The following EFL1 variants were observed in gnomAD, a reference collection of about 807,000 sequenced individuals.
EFL1 encodes elongation factor like GTPase 1, also known as elongation factor-like GTPase 1.
Under a neutral mutation model 126.7 loss-of-function variants are expected in EFL1, and 76 were observed. The observed-to-expected ratio is 0.60, with a 90% CI of 0.50 to 0.73. The LOEUF (loss-of-function observed/expected upper bound fraction) is 0.73. Among genes scored for constraint, EFL1 ranks in the 30% least tolerant of loss-of-function variants. EFL1 has a pLI of 0.00. For synonymous variants in EFL1, 410 were observed against 448.4 expected (o/e 0.91, Z 1.08); for missense variants, 1,128 against 1,343.2 (o/e 0.84, Z 2.50).
chr15:82,164,039 T>C, intron 15 of EFL1, 55 bp from the exon 16 acceptor site: 1 of 1,595,072 alleles, frequency 6.3e-7, no homozygotes, highest in Non-Finnish European at 8.5e-7. Context: ...TCTGAATTTA[T>C]GTCAGAAAAA....
At chr15:82,132,926 A>G (rs1363260323) in intron 19 of EFL1, among the ~76,000 whole-genome samples, 2 of 152,114 alleles carry the variant, frequency 1.3e-5, no homozygotes, top group Non-Finnish European at 2.9e-5. Flanking sequence ...ATCATTCACC[A>G]GCAAACAATG....
At chr15:82,211,273 TCC>T (rs1167075093) in intron 15 of EFL1, among the ~76,000 whole-genome samples, 1 of 151,556 alleles carries the variant, frequency 6.6e-6, no homozygotes, top group African/African-American at 2.4e-5. Context: ...ATGTCTGTAA[TCC>T]CAGCACGTTG....
intron 15 of EFL1, among the ~76,000 whole-genome samples, chr15:82,194,657 G>C (rs370931968): frequency 1.3e-5 from 2 of 152,162 alleles, no homozygotes; most frequent in African/African-American, 4.8e-5. Context: ...GATTTTAAAC[G>C]GTGAAAGGCG....
chr15:82,143,125 T>C (rs1374539206), intron 18 of EFL1, among the ~76,000 whole-genome samples: 1 of 152,226 alleles, frequency 6.6e-6, no homozygotes, highest in Non-Finnish European at 1.5e-5. Context: ...CAGCAATGTT[T>C]TCTTTAACAG....
chr15:82,222,169 G>A (rs1296941367), intron 12 of EFL1, among the ~76,000 whole-genome samples: 3 of 152,194 alleles, frequency 2.0e-5, no homozygotes, highest in African/African-American at 7.2e-5. Context: ...ATGATCCAGA[G>A]ACTGTTAATC....
rs137947667 is a variant in EFL1 at position 82,216,327 on chromosome 15, T to C, written c.1612-1472A>G. Among the ~76,000 whole-genome samples the C allele has an allele frequency of 5.0e-3, 759 of 152,280 alleles. 4 individuals are homozygous for C. The highest frequency in any genetic ancestry group is 7.4e-3 in the Non-Finnish European group (505 of 67,994). ...GCCAAATAGGTGTATGGACATAAAG[T>C]AATTCCAATCGAAGCCTCAACAGGG... On this transcript the variant is annotated intron_variant, in intron 14 of 19. Transcript: ENST00000268206.
At chr15:82,243,587 G>A (rs376294817) in intron 4 of EFL1, among the ~76,000 whole-genome samples, 32,431 of 73,932 alleles carry the variant, frequency 0.44, 7,728 homozygotes, top group African/African-American at 0.5. Context: ...ATACGACCGG[G>A]ACCTGATACT....
chr15:82,141,408 G>A (rs1483979391), intron 18 of EFL1, among the ~76,000 whole-genome samples: 1 of 152,088 alleles, frequency 6.6e-6, no homozygotes, highest in Non-Finnish European at 1.5e-5. Context: ...GGTGGCTCAC[G>A]CCTATAATCC....
At position 82,152,205 on chromosome 15, in the gene EFL1, G is replaced by T. The variant is rs200932900; in HGVS notation, c.2249C>A (p.Thr750Lys). The part of the protein sequence containing the change: ...ITITTPNKLA[T>K]LSVRAMPLPE... ...AAGGGGCATGGCTCGAACACTGAGC[G>T]TGGCAAGTTTATTGGGAGTTGTTAT... The change falls in exon 18 of 20, where the codon ACG becomes AAG. Residue 750 changes from threonine to lysine, a missense_variant. Physicochemically the swap from Thr to Lys is moderately conservative, Grantham distance 78. Coordinates refer to ENST00000268206, the MANE Select transcript of EFL1 (RefSeq NM_024580.6). The T allele has an allele frequency of 2.5e-5, 41 of 1,614,056 alleles. No individual in the cohort carries two copies. The highest frequency in any genetic ancestry group is 3.1e-5 in the Non-Finnish European group (37 of 1,180,038).
intron 18 of EFL1, among the ~76,000 whole-genome samples, chr15:82,147,599 G>A (rs994629601): frequency 7.1e-6 from 1 of 140,674 alleles, no homozygotes; most frequent in Non-Finnish European, 1.5e-5. Context: ...CTGAGATTGT[G>A]CCACTGCAGT....
chr15:82,228,263 G>A lies in EFL1; in HGVS notation c.997C>T (p.Arg333Ter), dbSNP rs200284482. 5.6e-6 allele frequency: 9 copies of A among 1,614,018 alleles called. No homozygotes were observed. The highest frequency in any genetic ancestry group is 2.7e-5 in the African/African-American group (2 of 75,012). ...LGLKIGAREARHSDPKVQINA... is the reference protein window; with the variant it reads ...LGLKIGAREA ...ATCTGAACTTTAGGGTCTGAATGTCGTGCCTCCCGGGCTCCAATTTTTAAT... is the reference window on the plus strand; with the variant it reads ...ATCTGAACTTTAGGGTCTGAATGTCATGCCTCCCGGGCTCCAATTTTTAAT... Residue 333 changes from arginine (R) to a stop codon, truncating the protein, a stop_gained, in exon 10 of 20, where the codon CGA becomes TGA. Coordinates refer to ENST00000268206, the MANE Select transcript of EFL1 (RefSeq NM_024580.6). LOFTEE classifies it high-confidence loss of function.
At chr15:82,252,026 A>G (rs1391028847) in intron 4 of EFL1, among the ~76,000 whole-genome samples, 1 of 152,188 alleles carries the variant, frequency 6.6e-6, no homozygotes, top group African/African-American at 2.4e-5. Flanking sequence ...CATATCTTAC[A>G]AAAATACTCT....
At chr15:82,234,208 G>C (rs2074850087) in intron 7 of EFL1, among the ~76,000 whole-genome samples, 1 of 152,156 alleles carries the variant, frequency 6.6e-6, no homozygotes, top group African/African-American at 2.4e-5. Flanking sequence ...GTAAGAAAGG[G>C]ACAAGCCTCC....
At chr15:82,220,535 G>A (rs961265259) in intron 12 of EFL1, among the ~76,000 whole-genome samples, 1 of 152,200 alleles carries the variant, frequency 6.6e-6, no homozygotes, top group Non-Finnish European at 1.5e-5. Context: ...CAAAGAACAG[G>A]AAGAAGGAAG....
At chr15:82,252,662 G>C in intron 4 of EFL1, 29 bp downstream of exon 4, 1 of 1,554,636 alleles carries the variant, frequency 6.4e-7, no homozygotes, top group East Asian at 2.2e-5. Flanking sequence ...ATGCAAAGCT[G>C]TGTTTCGTTA....
At chr15:82,255,747 T>C (rs1457341901) in intron 3 of EFL1, among the ~76,000 whole-genome samples, 1 of 152,190 alleles carries the variant, frequency 6.6e-6, no homozygotes, top group Non-Finnish European at 1.5e-5. Context: ...TTCATCTTTT[T>C]CCCACAGATC....
At chr15:82,178,819 G>A (rs1247582063) in intron 15 of EFL1, among the ~76,000 whole-genome samples, 1 of 151,998 alleles carries the variant, frequency 6.6e-6, no homozygotes, top group Non-Finnish European at 1.5e-5. Flanking sequence ...CTAATCCTTG[G>A]TACTTAACTG....
chr15:82,261,859 A>G, intron 1 of EFL1, 62 bp from the exon 2 acceptor site: 1 of 1,315,780 alleles, frequency 7.6e-7, no homozygotes, highest in Non-Finnish European at 1.1e-6. Flanking sequence ...AAAGAAAAAA[A>G]TAATAATAAA....
chr15:82,184,288 G>A (rs894265183), intron 15 of EFL1, among the ~76,000 whole-genome samples: 4 of 152,082 alleles, frequency 2.6e-5, no homozygotes, highest in Non-Finnish European at 5.9e-5. Context: ...AGAAGCATGA[G>A]GTAAGTAATA....
Sources: allele counts gnomAD v4.1 joint callset (sites outside exome capture counted in the v4.1 genomes callset), GRCh38; gene constraint gnomAD v4.1.1; transcripts MANE v1.5; gene names NCBI Gene and HGNC (gene_info 2026-07-23, HGNC 2026-07-21).